AFF3: variants seen among roughly 807,000 people sequenced by gnomAD.
The protein encoded by AFF3 is AF4/FMR2 family member 3.
AFF3 carries 32 observed loss-of-function variants against 129.7 expected under a neutral mutation model. The ratio of observed to expected loss-of-function variants is 0.25; its 90% confidence interval spans 0.19 to 0.33. The LOEUF (loss-of-function observed/expected upper bound fraction) is 0.33. Ranked by LOEUF, AFF3 falls within the 10% of genes least tolerant of loss-of-function variation. AFF3 has a pLI of 1.00. For missense variants in AFF3, 1,373 were observed against 1,592.0 expected (o/e 0.86, Z 2.34); for synonymous variants, 644 against 635.4 (o/e 1.01, Z -0.20).
intron 13 of AFF3, among the ~76,000 whole-genome samples, chr2:99,645,165 C>T (rs181569972): frequency 7.9e-5 from 12 of 152,182 alleles, no homozygotes; most frequent in Non-Finnish European, 1.5e-4. Context: ...TGAAGCCCCC[C>T]CTCTACGAAA....
chr2:99,765,739 C>T (rs1465853653), intron 8 of AFF3, among the ~76,000 whole-genome samples: 2 of 152,020 alleles, frequency 1.3e-5, no homozygotes, highest in African/African-American at 2.4e-5. Flanking sequence ...ATATAGAAGA[C>T]GTTTATGAAT....
intron 4 of AFF3, among the ~76,000 whole-genome samples, chr2:100,063,861 G>A (rs913492051): frequency 5.3e-5 from 8 of 151,982 alleles, no homozygotes; most frequent in African/African-American, 1.2e-4. Context: ...AGGCTGAGGC[G>A]GGTGGATCAC....
intron 12 of AFF3, among the ~76,000 whole-genome samples, chr2:99,669,079 C>T (rs1241431002): frequency 2.0e-5 from 3 of 152,090 alleles, no homozygotes; most frequent in Admixed American, 6.5e-5. Flanking sequence ...GTGGGACTTT[C>T]GACTGGTACA....
At chr2:100,009,705 G>A (rs567014124) in intron 4 of AFF3, among the ~76,000 whole-genome samples, 1 of 152,272 alleles carries the variant, frequency 6.6e-6, no homozygotes, top group East Asian at 1.9e-4. Context: ...AAATGAGGAA[G>A]AAATAAAGTG....
intron 13 of AFF3, among the ~76,000 whole-genome samples, chr2:99,648,883 G>A (rs1113018): frequency 0.67 from 57,256 of 85,960 alleles, 18,912 homozygotes; most frequent in South Asian, 0.82. Context: ...CAAAACACGC[G>A]CGCACACACA....
intron 7 of AFF3, among the ~76,000 whole-genome samples, chr2:99,976,425 A>AC (rs1678894705): frequency 6.6e-6 from 1 of 152,234 alleles, no homozygotes. Context: ...ATACATACAT[A>AC]TGCTCCTAGG....
chr2:99,909,671 G>C (rs570128487), intron 7 of AFF3, among the ~76,000 whole-genome samples: 1 of 151,928 alleles, frequency 6.6e-6, no homozygotes, highest in South Asian at 2.1e-4. Context: ...AAGTTCTTTT[G>C]GGTCTCGGTA....
intron 7 of AFF3, among the ~76,000 whole-genome samples, chr2:99,880,103 T>TA (rs1363497462): frequency 6.6e-6 from 1 of 152,172 alleles, no homozygotes; most frequent in Non-Finnish European, 1.5e-5. Context: ...AAAATAGGAG[T>TA]AAAGATTTTA....
At chr2:99,625,779 T>C (rs1682483034) in intron 13 of AFF3, among the ~76,000 whole-genome samples, 1 of 152,170 alleles carries the variant, frequency 6.6e-6, no homozygotes, top group Non-Finnish European at 1.5e-5. Context: ...ACTGATAAAA[T>C]ATCATATGAG....
chr2:99,684,496 A>G (rs1674849402), intron 11 of AFF3, among the ~76,000 whole-genome samples: 1 of 152,242 alleles, frequency 6.6e-6, no homozygotes, highest in Non-Finnish European at 1.5e-5. Context: ...CAGATCGTAT[A>G]AACGTGAAGA....
chr2:99,741,308 A>G (rs1226724683), intron 10 of AFF3, among the ~76,000 whole-genome samples: 1 of 152,164 alleles, frequency 6.6e-6, no homozygotes, highest in Non-Finnish European at 1.5e-5. Flanking sequence ...ATGATTGTAT[A>G]TCTAGAAAAC....
intron 8 of AFF3, among the ~76,000 whole-genome samples, chr2:99,760,153 A>G (rs1297365296): frequency 1.3e-5 from 2 of 152,264 alleles, no homozygotes; most frequent in Non-Finnish European, 2.9e-5. Context: ...AATGAGAAAT[A>G]TAACTTCACT....
intron 13 of AFF3, among the ~76,000 whole-genome samples, chr2:99,636,373 A>C (rs1243488261): frequency 5.3e-5 from 8 of 152,180 alleles, no homozygotes; most frequent in African/African-American, 1.9e-4. Context: ...GCCAGTGAGC[A>C]GGCTTACTTT....
chr2:100,014,770 A>C (rs1470330744), intron 4 of AFF3, among the ~76,000 whole-genome samples: 1 of 141,404 alleles, frequency 7.1e-6, no homozygotes, highest in Non-Finnish European at 1.5e-5. Context: ...ATACCTCCAT[A>C]CCACCTTGCT....
At chr2:99,733,207 G>C (rs1679975048) in intron 10 of AFF3, among the ~76,000 whole-genome samples, 1 of 151,850 alleles carries the variant, frequency 6.6e-6, no homozygotes, top group South Asian at 2.1e-4. Flanking sequence ...GTGAAACCCT[G>C]TTTCTACTAA....
chr2:99,685,069 G>T (rs2104592199), intron 11 of AFF3, among the ~76,000 whole-genome samples: 1 of 151,764 alleles, frequency 6.6e-6, no homozygotes, highest in East Asian at 1.9e-4. Context: ...CTCCCAAGTA[G>T]CTGGGATTAC....
intron 4 of AFF3, among the ~76,000 whole-genome samples, chr2:100,024,895 T>C (rs528093032): frequency 6.6e-6 from 1 of 152,148 alleles, no homozygotes; most frequent in Non-Finnish European, 1.5e-5. Context: ...ATAGTTATCT[T>C]GAGGTGAAGG....
chr2:99,853,220 A>G (rs1690277761), intron 7 of AFF3, among the ~76,000 whole-genome samples: 3 of 152,242 alleles, frequency 2.0e-5, no homozygotes, highest in African/African-American at 7.2e-5. Context: ...ATGGCCCTAC[A>G]GCAGGTTAAA....
intron 12 of AFF3, among the ~76,000 whole-genome samples, chr2:99,669,221 G>T (rs1686944799): frequency 6.6e-6 from 1 of 152,126 alleles, no homozygotes; most frequent in Admixed American, 6.5e-5. Context: ...ACCTGTACAA[G>T]GATGAAAAGA....
Sources: allele counts gnomAD v4.1 joint callset (sites outside exome capture counted in the v4.1 genomes callset), GRCh38; gene constraint gnomAD v4.1.1; transcripts MANE v1.5; gene names NCBI Gene and HGNC (gene_info 2026-07-23, HGNC 2026-07-21).